The following TAF4B variants were observed in gnomAD, a reference collection of about 807,000 sequenced individuals.
TAF4B encodes transcription initiation factor TFIID subunit 4B.
In TAF4B, 38 loss-of-function variants were observed where a neutral mutation model predicts 86.4. The observed-to-expected ratio is 0.44, with a 90% CI of 0.34 to 0.58. The LOEUF is 0.58. TAF4B is among the 20% of genes least tolerant of loss of function. The pLI is 0.02. For missense variants in TAF4B, 988 were observed against 1,027.6 expected (o/e 0.96, Z 0.53); for synonymous variants, 388 against 391.2 (o/e 0.99, Z 0.10).
At chr18:26,238,730 C>T (rs925579682) in intron 1 of TAF4B, among the ~76,000 whole-genome samples, 5 of 152,148 alleles carry the variant, frequency 3.3e-5, no homozygotes, top group South Asian at 2.1e-4. Flanking sequence ...CTAATGCTGT[C>T]CGTCCCCCTT....
chr18:26,227,469 A>G (rs575708459), intron 1 of TAF4B, among the ~76,000 whole-genome samples, 193 bp downstream of exon 1: 1 of 152,214 alleles, frequency 6.6e-6, no homozygotes, highest in African/African-American at 2.4e-5. Context: ...GAATCTTTTC[A>G]CCTAAGTGAT....
chr18:26,281,006 G>GA (rs2056442022), intron 5 of TAF4B, among the ~76,000 whole-genome samples: 1 of 152,106 alleles, frequency 6.6e-6, no homozygotes, highest in Admixed American at 6.5e-5. Flanking sequence ...GTAGCAATGT[G>GA]AATGGCCATT....
intron 10 of TAF4B, among the ~76,000 whole-genome samples, chr18:26,316,465 A>G (rs1005494265): frequency 6.6e-6 from 1 of 151,690 alleles, no homozygotes; most frequent in African/African-American, 2.4e-5. Flanking sequence ...ATCTTGGCTC[A>G]CTGCAGCCTC....
intron 14 of TAF4B, among the ~76,000 whole-genome samples, chr18:26,358,514 T>A (rs970774076): frequency 6.6e-6 from 1 of 152,104 alleles, no homozygotes; most frequent in Admixed American, 6.5e-5. Context: ...ATCGAGACCA[T>A]CCTGTTTAAC....
intron 13 of TAF4B, among the ~76,000 whole-genome samples, chr18:26,336,780 C>A (rs1445345177): frequency 1.3e-5 from 2 of 152,182 alleles, no homozygotes; most frequent in Non-Finnish European, 2.9e-5. Flanking sequence ...TGCTTATCTT[C>A]TAATTGCATT....
At chr18:26,389,586 G>A (rs1416404801) in intron 14 of TAF4B, among the ~76,000 whole-genome samples, 1 of 152,218 alleles carries the variant, frequency 6.6e-6, no homozygotes, top group Non-Finnish European at 1.5e-5. Flanking sequence ...GCAAAGTAGA[G>A]CCTGGAAATG....
Position 26,312,666 on chromosome 18 carries a change from G to C in TAF4B, c.1833-2563G>C, listed in dbSNP as rs550286915. 3.9e-5 allele frequency among the ~76,000 whole-genome samples: 6 copies of C among 152,212 alleles called. No homozygotes were observed. The East Asian group carries it at 1.2e-3, about 29-fold the overall frequency. ...GCCTGTGTGTGAGATGTCAACAAAG[G>C]CTGTACAGGGACCTTGCTAGAGAAG... On this transcript the variant is annotated intron_variant, in intron 9 of 14. Transcript: ENST00000269142.
chr18:26,286,366 C>T lies in TAF4B; in HGVS notation c.1457C>T (p.Pro486Leu), dbSNP rs528866087. 6 of 1,614,182 alleles carry T rather than the reference C, an allele frequency of 3.7e-6. No homozygotes were observed. Among genetic ancestry groups the T allele is most frequent in the Admixed American group, 1.7e-5 (1 of 60,022 alleles). ...GAAICLPSVK[P>L]VVSSAGTTSD... ...GCTATTTGTCTTCCATCTGTGAAAC[C>T]TGTTGTTTCTTCTGCTGGGACCACA... Residue 486 changes from proline to leucine, a missense_variant, in exon 7 of 15, where the codon CCT (proline) becomes CTT (leucine). Physicochemically the swap from Pro to Leu is moderately conservative, Grantham distance 98. This residue lies in a region of TAF4B where 747 missense variants were observed against 737.9 expected (regional missense o/e 1.01). Transcript: ENST00000269142.
intron 14 of TAF4B, among the ~76,000 whole-genome samples, chr18:26,372,281 G>A (rs989049101): frequency 2.0e-5 from 3 of 152,212 alleles, no homozygotes; most frequent in Non-Finnish European, 2.9e-5. Context: ...AAATGCAAGA[G>A]TGGTGATTCT....
intron 1 of TAF4B, among the ~76,000 whole-genome samples, chr18:26,263,555 A>G (rs910984353): frequency 5.9e-5 from 9 of 152,118 alleles, no homozygotes; most frequent in African/African-American, 2.2e-4. Context: ...TGTGAACCAA[A>G]ATTTTGCTTC....
intron 14 of TAF4B, among the ~76,000 whole-genome samples, chr18:26,374,833 A>G (rs2057431940): frequency 6.6e-6 from 1 of 152,184 alleles, no homozygotes; most frequent in Non-Finnish European, 1.5e-5. Context: ...ATTCCATGGA[A>G]TATTGAAGGA....
intron 3 of TAF4B, among the ~76,000 whole-genome samples, chr18:26,273,635 T>A (rs554008784): frequency 1.3e-5 from 2 of 152,294 alleles, no homozygotes; most frequent in South Asian, 4.1e-4. Context: ...CCTCAAGCAA[T>A]CCTCCTGGCT....
At chr18:26,312,030 A>G (rs754215911) in intron 9 of TAF4B, among the ~76,000 whole-genome samples, 12 of 152,318 alleles carry the variant, frequency 7.9e-5, no homozygotes, top group South Asian at 2.1e-4. Context: ...AACACTCCAT[A>G]GAATCTTGAG....
intron 1 of TAF4B, among the ~76,000 whole-genome samples, chr18:26,237,468 G>T (rs1316735846): frequency 3.3e-5 from 5 of 152,128 alleles, no homozygotes; most frequent in African/African-American, 9.7e-5. Context: ...GCTTGAAGGG[G>T]ATGTAACCGA....
intron 3 of TAF4B, among the ~76,000 whole-genome samples, chr18:26,269,478 G>T (rs904275437): frequency 3.3e-5 from 5 of 152,094 alleles, no homozygotes. Context: ...AGACATATGT[G>T]ATGAAACCAG....
At chr18:26,284,196 C>G (rs1405600243) in intron 6 of TAF4B, among the ~76,000 whole-genome samples, 1 of 152,234 alleles carries the variant, frequency 6.6e-6, no homozygotes, top group Non-Finnish European at 1.5e-5. Flanking sequence ...CCTCTCCTAA[C>G]TTCATACTTT....
chr18:26,238,870 A>C (rs1007965577), intron 1 of TAF4B, among the ~76,000 whole-genome samples: 4 of 152,144 alleles, frequency 2.6e-5, no homozygotes, highest in African/African-American at 9.7e-5. Context: ...GTAGATTGCT[A>C]AGAATGATGG....
chr18:26,333,158 TTTTC>T (rs1023658192), intron 12 of TAF4B, among the ~76,000 whole-genome samples: 19 of 151,374 alleles, frequency 1.3e-4, no homozygotes, highest in African/African-American at 3.4e-4. Flanking sequence ...ATTCTATTTA[TTTTC>T]TTTATTTTTG....
At chr18:26,336,165 G>T (rs1218464085) in intron 13 of TAF4B, among the ~76,000 whole-genome samples, 1 of 152,176 alleles carries the variant, frequency 6.6e-6, no homozygotes, top group Non-Finnish European at 1.5e-5. Context: ...TGTGAGACGT[G>T]TGATATGGAG....
Sources: gnomAD v4.1 joint callset for allele counts (sites outside exome capture counted in the v4.1 genomes callset) on GRCh38, gnomAD v4.1.1 for gene constraint, gnomAD v4.1.1 regional missense constraint, MANE v1.5 for transcripts, NCBI Gene and HGNC (gene_info 2026-07-23, HGNC 2026-07-21) for gene names.